Variants in NUMB observed in about 807,000 individuals in gnomAD.
NUMB encodes protein numb homolog.
A neutral mutation model predicts 59.7 loss-of-function variants in NUMB; 29 were observed. That is an observed-to-expected ratio of 0.49 (90% confidence interval 0.36 to 0.66). The LOEUF (loss-of-function observed/expected upper bound fraction) is 0.66. Ranked by LOEUF, NUMB falls within the 30% of genes least tolerant of loss-of-function variation. NUMB has a pLI of 0.00. For synonymous variants in NUMB, 288 were observed against 288.2 expected, an observed-to-expected ratio of 1.00 and a Z score of 0.01; for missense variants, 723 against 822.0, an observed-to-expected ratio of 0.88 and a Z score of 1.47.
intron 1 of NUMB, among the ~76,000 whole-genome samples, chr14:73,431,258 CTT>C (rs546689222): frequency 1.1e-4 from 14 of 127,322 alleles, no homozygotes; most frequent in Non-Finnish European, 1.4e-4. Context: ...CTTGGCTTTT[CTT>C]TTTTTTTTTT....
chr14:73,287,453 ACTGCAACCTCTGC>A, intron 8 of NUMB, 139 bp from the exon 9 acceptor site: 1 of 710,178 alleles, frequency 1.4e-6, no homozygotes, highest in African/African-American at 1.8e-5. Flanking sequence ...GTCTCTGCTC[ACTGCAACCTCTGC>A]CTCCGGGCTC....
Position 73,323,220 on chromosome 14 carries a change from A to G in NUMB, c.127-16T>C, listed in dbSNP as rs1385459369. ...GGCCAAGGTACTGTAGAAAGAAGGA[A>G]AAGTTAGGGCTATTGCTATGTTTAC... On this transcript the variant is annotated splice_polypyrimidine_tract_variant and intron_variant, in intron 4 of 12. Transcript: ENST00000555238. The G allele has an allele frequency of 6.3e-7, 1 of 1,576,436 alleles. No individual in the cohort carries two copies. Among genetic ancestry groups the G allele is most frequent in the Admixed American group, 1.7e-5 (1 of 59,716 alleles).
chr14:73,342,788 C>G (rs1261784670), intron 4 of NUMB, among the ~76,000 whole-genome samples: 1 of 152,160 alleles, frequency 6.6e-6, no homozygotes, highest in Admixed American at 6.5e-5. Flanking sequence ...AGAACACTTG[C>G]ACACAGCTAA....
At chr14:73,283,689 G>A (rs1395368447) in intron 10 of NUMB, among the ~76,000 whole-genome samples, 1 of 152,234 alleles carries the variant, frequency 6.6e-6, no homozygotes, top group African/African-American at 2.4e-5. Flanking sequence ...TCTTCTGCTG[G>A]TAATGCTATG....
Position 73,287,218 on chromosome 14 carries a change from C to T in NUMB, c.547G>A (p.Asp183Asn). Residue 183 changes from aspartate to asparagine, a missense_variant, in exon 9 of 13, where the codon GAT becomes AAT. This residue lies in a region of NUMB where 317 missense variants were observed against 436.6 expected (regional missense o/e 0.73). Transcript: ENST00000555238. ...CTTGTAAAAGTGGTCCGACTAGCAT[C>T]AAAAGTAGCAGTCACTCCACATTCC... ...EKECGVTATFDASRTTFTREG... is the reference protein window; with the variant it reads ...EKECGVTATFNASRTTFTREG... 6.2e-7 allele frequency: 1 copy of T among 1,613,782 alleles called. No individual in the cohort carries two copies. The highest frequency in any genetic ancestry group is 8.5e-7 in the Non-Finnish European group (1 of 1,179,972).
chr14:73,335,586 T>C (rs967616056), intron 4 of NUMB, among the ~76,000 whole-genome samples: 1 of 152,180 alleles, frequency 6.6e-6, no homozygotes, highest in Middle Eastern at 3.2e-3. Context: ...AGTAAGAAAC[T>C]TTTATTCACA....
intron 4 of NUMB, among the ~76,000 whole-genome samples, chr14:73,346,761 G>C (rs1194340892): frequency 6.6e-6 from 1 of 151,738 alleles, no homozygotes; most frequent in African/African-American, 2.4e-5. Flanking sequence ...CTATTTCCTT[G>C]AGAAAATAAG....
intron 6 of NUMB, among the ~76,000 whole-genome samples, chr14:73,314,239 G>A (rs1890953110): frequency 1.3e-5 from 2 of 152,112 alleles, no homozygotes; most frequent in East Asian, 1.9e-4. Flanking sequence ...ATGATTAAGA[G>A]TGTGGGCTCT....
At chr14:73,411,399 G>A (rs969370611) in intron 1 of NUMB, among the ~76,000 whole-genome samples, 2 of 151,026 alleles carry the variant, frequency 1.3e-5, no homozygotes, top group Non-Finnish European at 2.9e-5. Context: ...ACAGAATTGT[G>A]GTAAACAGAT....
At position 73,453,492 on chromosome 14, in the gene NUMB, ATATCT is replaced by A. The variant is rs1197324828; in HGVS notation, c.-233+4996_-233+5000del. Among the ~76,000 whole-genome samples the A allele has an allele frequency of 3.3e-5, 5 of 152,162 alleles. No individual in the cohort carries two copies. In the South Asian group the frequency reaches 1.0e-3, roughly 32 times the overall value. On this transcript the variant is annotated intron_variant, in intron 1 of 12. Coordinates refer to ENST00000555238, the MANE Select transcript of NUMB (RefSeq NM_001005743.2). ...GCAATATTGTACCTAGTATTTAATG[ATATCT>A]TATTTATCACTACCTGTGTGTTGCA...
At chr14:73,309,136 G>T (rs1890625060) in intron 6 of NUMB, among the ~76,000 whole-genome samples, 1 of 152,152 alleles carries the variant, frequency 6.6e-6, no homozygotes, top group Non-Finnish European at 1.5e-5. Context: ...TGGAGGAGTT[G>T]GCCTCTGTGA....
At chr14:73,421,055 C>T (rs1173378363) in intron 1 of NUMB, among the ~76,000 whole-genome samples, 1 of 152,134 alleles carries the variant, frequency 6.6e-6, no homozygotes, top group African/African-American at 2.4e-5. Flanking sequence ...CTGAGAAATG[C>T]ACAACAGTGC....
chr14:73,411,813 T>C (rs989432300), intron 1 of NUMB, among the ~76,000 whole-genome samples: 5 of 151,360 alleles, frequency 3.3e-5, no homozygotes, highest in African/African-American at 1.2e-4. Context: ...TGTGCCCACA[T>C]CTGTCATATT....
intron 2 of NUMB, among the ~76,000 whole-genome samples, chr14:73,388,964 T>C (rs1303224639): frequency 6.6e-6 from 1 of 151,962 alleles, no homozygotes; most frequent in Non-Finnish European, 1.5e-5. Context: ...CAGGGCGTGG[T>C]GGCGGGCGCC....
intron 1 of NUMB, among the ~76,000 whole-genome samples, chr14:73,425,813 T>A (rs1040438480): frequency 1.0e-4 from 15 of 150,108 alleles, no homozygotes; most frequent in African/African-American, 3.7e-4. Flanking sequence ...TATTTAATTT[T>A]TTTTTTTTTT....
intron 6 of NUMB, among the ~76,000 whole-genome samples, chr14:73,309,549 C>T (rs144764862): frequency 6.6e-6 from 1 of 152,026 alleles, no homozygotes; most frequent in African/African-American, 2.4e-5. Flanking sequence ...GGGAGGGGAA[C>T]ACCACACACT....
At chr14:73,311,480 TC>T (rs1890775492) in intron 6 of NUMB, among the ~76,000 whole-genome samples, 4 of 152,182 alleles carry the variant, frequency 2.6e-5, no homozygotes. Context: ...GTTTATCTGT[TC>T]CCTACTGCTA....
At chr14:73,422,096 A>G (rs1897372899) in intron 1 of NUMB, among the ~76,000 whole-genome samples, 1 of 151,928 alleles carries the variant, frequency 6.6e-6, no homozygotes, top group Non-Finnish European at 1.5e-5. Flanking sequence ...GTGAGCCAAG[A>G]TTGCACCACT....
intron 2 of NUMB, among the ~76,000 whole-genome samples, chr14:73,372,412 C>T (rs912548001): frequency 1.4e-5 from 2 of 139,710 alleles, no homozygotes; most frequent in African/African-American, 2.7e-5. Flanking sequence ...CGCATACACA[C>T]ATATATGTGC....
Sources: allele counts gnomAD v4.1 joint callset (sites outside exome capture counted in the v4.1 genomes callset), GRCh38; gene constraint gnomAD v4.1.1; regional missense constraint gnomAD v4.1.1; transcripts MANE v1.5; gene names NCBI Gene and HGNC (gene_info 2026-07-23, HGNC 2026-07-21).